FAM171B: variants seen among roughly 807,000 people sequenced by gnomAD.
FAM171B encodes the protein protein FAM171B.
A neutral mutation model predicts 75.6 loss-of-function variants in FAM171B; 19 were observed. That is an observed-to-expected ratio of 0.25 (90% CI 0.18 to 0.37). The LOEUF is 0.37. Among genes scored for constraint, FAM171B ranks in the 10% least tolerant of loss-of-function variants. FAM171B has a pLI of 1.00. For missense variants in FAM171B, 848 were observed against 982.4 expected, an observed-to-expected ratio of 0.86 and a Z score of 1.83; for synonymous variants, 367 against 361.7, an observed-to-expected ratio of 1.01 and a Z score of -0.17.
chr2:186,749,335 G>C (rs1319573992), intron 4 of FAM171B, among the ~76,000 whole-genome samples: 1 of 152,080 alleles, frequency 6.6e-6, no homozygotes, highest in Non-Finnish European at 1.5e-5. Flanking sequence ...AGTTTCAACA[G>C]TTTGTAAAGC....
intron 7 of FAM171B, 118 bp downstream of exon 7, chr2:186,761,354 T>G: frequency 6.9e-7 from 1 of 1,444,432 alleles, no homozygotes; most frequent in Non-Finnish European, 9.3e-7. Flanking sequence ...TATCCTTTTT[T>G]ATTTTTAATC....
In FAM171B at chr2:186,763,306, G is replaced by T; in HGVS notation, c.*483G>T. Reference sequence around the variant, plus strand: ...AATAACTTGATAAATGACTTGGACTGATGTTACTCTGGAGTTATCACAAAG... The same window carrying T: ...AATAACTTGATAAATGACTTGGACTTATGTTACTCTGGAGTTATCACAAAG... On this transcript the variant is annotated 3_prime_UTR_variant, in exon 8 of 8. Transcript: ENST00000304698. 1 of 155,702 alleles carries T rather than the reference G, an allele frequency of 6.4e-6. No individual in the cohort carries two copies. The highest frequency in any genetic ancestry group is 6.3e-5 in the Admixed American group (1 of 15,926). 9.6% of individuals were successfully genotyped at this position (155,702 alleles called of 1,614,324 possible). A position where few individuals can be genotyped will look rare whatever the true frequency, so the allele number is the denominator to read the frequency against.
At position 186,761,980 on chromosome 2, in the gene FAM171B, C is replaced by T. The variant is rs764737258; in HGVS notation, c.1638C>T (p.Asp546=). ...SQPIAILQTS[D]LFSTPEQLHT... ...CCATTGCCATCCTTCAAACATCTGA[C>T]CTTTTCTCCACACCGGAACAATTAC... The change falls in exon 8 of 8, where the codon GAC becomes GAT. Residue 546 remains aspartate, a synonymous_variant. Coordinates refer to ENST00000304698, the MANE Select transcript of FAM171B (RefSeq NM_177454.4). The T allele has an allele frequency of 1.9e-6, 3 of 1,613,500 alleles. No individual in the cohort carries two copies. Among genetic ancestry groups the T allele is most frequent in the Admixed American group, 3.3e-5 (2 of 59,884 alleles).
At position 186,765,761 on chromosome 2, in the gene FAM171B, C is replaced by T. The variant is rs984723600; in HGVS notation, c.*2938C>T. 5 of 152,016 alleles carry T rather than the reference C, an allele frequency of 3.3e-5. No individual in the cohort carries two copies. Among genetic ancestry groups the T allele is most frequent in the Admixed American group, 3.3e-4 (5 of 15,230 alleles). 9.4% of individuals were successfully genotyped at this position (152,016 alleles called of 1,614,324 possible). A position where few individuals can be genotyped will look rare whatever the true frequency, so the allele number is the denominator to read the frequency against. On this transcript the variant is annotated 3_prime_UTR_variant, in exon 8 of 8. Coordinates refer to ENST00000304698, the MANE Select transcript of FAM171B (RefSeq NM_177454.4). ...TAAAGGAATTCAGCTGTATTAATTT[C>T]TATTTCAGATCTAGAATTGACATTT... is the stretch of plus-strand genomic sequence containing the variant.
rs1690655259 is a variant in FAM171B, at chr2:186,763,557, C to T, written c.*734C>T. The T allele has an allele frequency of 1.3e-5, 2 of 151,604 alleles. No homozygotes were observed. The highest frequency in any genetic ancestry group is 6.8e-3 in the Middle Eastern group (2 of 294). The allele number at this position is 151,604 out of a possible 1,614,324, so 9.4% of individuals were successfully genotyped here. On this transcript the variant is annotated 3_prime_UTR_variant, in exon 8 of 8. Transcript: ENST00000304698. ...TTTATTTAAAAATTATTTTTTCTTC[C>T]CCTCAACAATGAAGCAAGCTTAGCT...
chr2:186,721,292 A>G (rs1689949004), intron 1 of FAM171B, among the ~76,000 whole-genome samples: 2 of 152,106 alleles, frequency 1.3e-5, no homozygotes, highest in Admixed American at 6.6e-5. Flanking sequence ...AGGTAAGTCT[A>G]ATGTGTAGCC....
intron 6 of FAM171B, among the ~76,000 whole-genome samples, chr2:186,756,025 A>T (rs1398442891): frequency 3.3e-5 from 5 of 152,236 alleles, no homozygotes; most frequent in African/African-American, 1.2e-4. Context: ...TTTTAATAAA[A>T]ATAACCTAAG....
At chr2:186,729,676 G>A (rs1428373031) in intron 1 of FAM171B, among the ~76,000 whole-genome samples, 3 of 152,018 alleles carry the variant, frequency 2.0e-5, no homozygotes, top group Non-Finnish European at 4.4e-5. Context: ...GTTTTGTTTT[G>A]TTTTGTTTTT....
At chr2:186,756,236 G>C (rs1450496961) in intron 6 of FAM171B, among the ~76,000 whole-genome samples, 1 of 108,928 alleles carries the variant, frequency 9.2e-6, no homozygotes, top group African/African-American at 3.2e-5. Flanking sequence ...TGTTTAGTTT[G>C]AATTAGAGAC....
chr2:186,715,513 T>C (rs1354109437), intron 1 of FAM171B, among the ~76,000 whole-genome samples: 1 of 152,150 alleles, frequency 6.6e-6, no homozygotes, highest in Non-Finnish European at 1.5e-5. Context: ...GGGACTAATT[T>C]GGTTTCAAGG....
intron 1 of FAM171B, among the ~76,000 whole-genome samples, chr2:186,703,450 A>G (rs997067991): frequency 1.3e-5 from 2 of 152,162 alleles, no homozygotes; most frequent in East Asian, 3.8e-4. Context: ...ATAAAATTCC[A>G]TATCCTTTGT....
At chr2:186,722,579 C>T (rs1689971864) in intron 1 of FAM171B, among the ~76,000 whole-genome samples, 1 of 152,030 alleles carries the variant, frequency 6.6e-6, no homozygotes, top group African/African-American at 2.4e-5. Context: ...CATGAAACAC[C>T]ATGCATTCAT....
Position 186,761,199 on chromosome 2 carries a change from G to T in FAM171B, c.1099G>T (p.Val367Phe), listed in dbSNP as rs183563983. ...CATATTAGGAGGAACAATAGTCATT[G>T]TCATTGGATTTTTTGCTGTACTACT... ...TAILGGTIVI[V>F]IGFFAVLLCY... The change falls in exon 7 of 8, where the codon GTC (valine) becomes TTC (phenylalanine). Residue 367 changes from valine to phenylalanine, a missense_variant. By Grantham distance (50) the Val-to-Phe change is conservative. Transcript: ENST00000304698. 1.2e-6 allele frequency: 2 copies of T among 1,612,396 alleles called. No individual in the cohort carries two copies. The highest frequency in any genetic ancestry group is 2.7e-5 in the African/African-American group (2 of 74,948).
chr2:186,732,967 G>A (rs1483784742), intron 1 of FAM171B, among the ~76,000 whole-genome samples: 1 of 152,170 alleles, frequency 6.6e-6, no homozygotes, highest in Non-Finnish European at 1.5e-5. Context: ...CCTGGTGCTG[G>A]TTGTGACCAA....
chr2:186,701,648 C>T (rs1689662266), intron 1 of FAM171B, among the ~76,000 whole-genome samples: 1 of 152,144 alleles, frequency 6.6e-6, no homozygotes, highest in African/African-American at 2.4e-5. Context: ...GCCATATTCC[C>T]AGATGGGGTA....
At chr2:186,720,396 T>C (rs1333912067) in intron 1 of FAM171B, among the ~76,000 whole-genome samples, 1 of 152,156 alleles carries the variant, frequency 6.6e-6, no homozygotes, top group African/African-American at 2.4e-5. Flanking sequence ...ATGCTCACTG[T>C]AGTTGTCATG....
At chr2:186,733,249 CA>C (rs1690146468) in intron 1 of FAM171B, among the ~76,000 whole-genome samples, 1 of 152,170 alleles carries the variant, frequency 6.6e-6, no homozygotes, top group Non-Finnish European at 1.5e-5. Context: ...GTGATCTATA[CA>C]TAGAATACTT....
chr2:186,717,168 C>G (rs145161213), intron 1 of FAM171B, among the ~76,000 whole-genome samples: 1 of 152,082 alleles, frequency 6.6e-6, no homozygotes, highest in East Asian at 1.9e-4. Context: ...TTGAAAATAG[C>G]AGTGGTAACT....
At chr2:186,740,925 G>A (rs1179737229) in intron 2 of FAM171B, among the ~76,000 whole-genome samples, 4 of 152,086 alleles carry the variant, frequency 2.6e-5, no homozygotes, top group African/African-American at 9.7e-5. Flanking sequence ...TTATTTTTAA[G>A]AATTGGCAAA....
Sources: allele counts gnomAD v4.1 joint callset (sites outside exome capture counted in the v4.1 genomes callset), GRCh38; gene constraint gnomAD v4.1.1; transcripts MANE v1.5; gene names NCBI Gene and HGNC (gene_info 2026-07-23, HGNC 2026-07-21).